The following RFX2 variants were observed in gnomAD, a reference collection of about 807,000 sequenced individuals.
The protein encoded by RFX2 is regulatory factor X2.
A neutral mutation model predicts 87.8 loss-of-function variants in RFX2; 20 were observed. The ratio of observed to expected loss-of-function variants is 0.23; its 90% confidence interval spans 0.16 to 0.33. RFX2 has a LOEUF of 0.33. RFX2 is among the 10% of genes least tolerant of loss of function. RFX2 has a pLI of 1.00. For synonymous variants in RFX2, 397 were observed against 431.3 expected (o/e 0.92, Z 0.98); for missense variants, 767 against 1,012.3 (o/e 0.76, Z 3.29).
chr19:6,094,402 C>T (rs1226134398), intron 1 of RFX2, among the ~76,000 whole-genome samples: 3 of 152,110 alleles, frequency 2.0e-5, no homozygotes, highest in African/African-American at 7.2e-5. Flanking sequence ...GAGGGCACCA[C>T]CTGTGTTTCA....
rs1021775118 is a variant in RFX2 at position 6,004,559 on chromosome 19, G to A, written c.1403-261C>T. Among the ~76,000 whole-genome samples the A allele has an allele frequency of 3.9e-5, 6 of 152,168 alleles. No homozygotes were observed. Among genetic ancestry groups the A allele is most frequent in the Non-Finnish European group, 7.4e-5 (5 of 68,022 alleles). On this transcript the variant is annotated intron_variant, in intron 12 of 17. Coordinates refer to ENST00000303657, the MANE Select transcript of RFX2 (RefSeq NM_000635.4). The surrounding 1 kb of genome is among the most constrained non-coding windows in gnomAD (Gnocchi z 4.8). The stretch of plus-strand genomic sequence containing the variant: ...GGGACACTGGGCAATGTCTGGGGAC[G>A]TTAATGGTGGTCATGACTGCAGGGT...
intron 5 of RFX2, among the ~76,000 whole-genome samples, chr19:6,034,376 G>A (rs977769474): frequency 1.3e-5 from 2 of 151,878 alleles, no homozygotes; most frequent in African/African-American, 2.4e-5. Flanking sequence ...CTACAGGTGC[G>A]CACCACCACA....
At chr19:6,008,937 C>T (rs1046360851) in intron 9 of RFX2, among the ~76,000 whole-genome samples, 4 of 152,108 alleles carry the variant, frequency 2.6e-5, no homozygotes, top group African/African-American at 9.7e-5. Flanking sequence ...GCCTTGGCTT[C>T]TCAAAGTGCT....
In RFX2 at chr19:6,047,514, G is replaced by A. The variant is rs778289256; in HGVS notation, c.-8-10C>T. The A allele has an allele frequency of 6.3e-7, 1 of 1,594,924 alleles. No homozygotes were observed. Among genetic ancestry groups the A allele is most frequent in the South Asian group, 1.1e-5 (1 of 88,250 alleles). On this transcript the variant is annotated splice_polypyrimidine_tract_variant and intron_variant, in intron 1 of 17. Transcript: ENST00000303657. The surrounding 1 kb of genome is among the most constrained non-coding windows in gnomAD (Gnocchi z 4.2). Reference sequence around the variant, plus strand: ...TTCTGCATGCTCAGGTCTAAAGAAAGGCGGAGAGAGATTGGGTGGGCAAGG... The same window carrying A: ...TTCTGCATGCTCAGGTCTAAAGAAAAGCGGAGAGAGATTGGGTGGGCAAGG...
intron 1 of RFX2, among the ~76,000 whole-genome samples, chr19:6,071,005 C>T (rs2087598644): frequency 6.6e-6 from 1 of 152,240 alleles, no homozygotes; most frequent in Admixed American, 6.5e-5. Context: ...GCGTGAGCCC[C>T]CGTGCCTGGC....
chr19:6,085,827 C>T (rs1307661218), intron 1 of RFX2, among the ~76,000 whole-genome samples: 1 of 152,144 alleles, frequency 6.6e-6, no homozygotes, highest in African/African-American at 2.4e-5. Flanking sequence ...CACAGTGGCT[C>T]ACGCCTGTAA....
chr19:6,047,262 T>C lies in RFX2; in HGVS notation c.90+145A>G. ...CAAATACAGTTAAGGAAATTGTGCC[T>C]ATTTCAACAGCAGCAGCACTGGGAC... On this transcript the variant is annotated intron_variant, in intron 2 of 17. Transcript: ENST00000303657. This position sits in a 1 kb window ranked among gnomAD's most constrained non-coding sequence, Gnocchi z 4.2. 1.6e-6 allele frequency: 1 copy of C among 622,056 alleles called. No individual in the cohort carries two copies. Among genetic ancestry groups the C allele is most frequent in the South Asian group, 2.4e-5 (1 of 42,524 alleles). 38.5% of individuals were successfully genotyped at this position (622,056 alleles called of 1,614,324 possible).
intron 1 of RFX2, among the ~76,000 whole-genome samples, chr19:6,086,715 T>C (rs2087860737): frequency 6.6e-6 from 1 of 152,214 alleles, no homozygotes; most frequent in Non-Finnish European, 1.5e-5. Flanking sequence ...TTGACAGTAA[T>C]GGATGCATCC....
At chr19:6,034,667 T>G (rs1432472964) in intron 5 of RFX2, among the ~76,000 whole-genome samples, 1 of 152,198 alleles carries the variant, frequency 6.6e-6, no homozygotes, top group Non-Finnish European at 1.5e-5. Flanking sequence ...CAGGTGACTT[T>G]TCATTCTACA....
chr19:6,067,701 G>A (rs1316915954), intron 1 of RFX2, among the ~76,000 whole-genome samples: 1 of 152,240 alleles, frequency 6.6e-6, no homozygotes, highest in Non-Finnish European at 1.5e-5. Context: ...GGGGAACACA[G>A]AGCTCTAAGC....
Position 6,024,876 on chromosome 19 carries a change from GAGGACGGGATCACGGTGAGGACGGGAGTC to G in RFX2, c.597+1258_597+1286del, listed in dbSNP as rs1568512626. Among the ~76,000 whole-genome samples the G allele has an allele frequency of 2.7e-3, 299 of 110,362 alleles. No individual in the cohort carries two copies. The highest frequency in any genetic ancestry group is 8.4e-3 in the African/African-American group (101 of 12,052). 72.4% of individuals were successfully genotyped at this position (110,362 alleles called of 152,430 possible). ...ACGGGATCACGGTGAGGACGGGAGT[GAGGACGGGATCACGGTGAGGACGGGAGTC>G]AGGACGGGATCACGGTGAGGACGGG... On this transcript the variant is annotated intron_variant, in intron 6 of 17. Transcript: ENST00000303657. This position sits in a 1 kb window ranked among gnomAD's most constrained non-coding sequence, Gnocchi z 5.0.
At chr19:6,049,248 GCATCA>G (rs1340507780) in intron 1 of RFX2, 1 of 141,028 alleles carries the variant, frequency 7.1e-6, no homozygotes, top group African/African-American at 3.1e-5. Flanking sequence ...CAAGCGGGTA[GCATCA>G]GTGATACTAG....
Position 6,061,327 on chromosome 19 carries a change from G to T in RFX2, c.-8-13823C>A, listed in dbSNP as rs2087426596. ...TCCCTGGCTCAAAAAATCCTCCCAA[G>T]AATTTTCACCGCATAGACAGTGTGT... On this transcript the variant is annotated intron_variant, in intron 1 of 17. Coordinates refer to ENST00000303657, the MANE Select transcript of RFX2 (RefSeq NM_000635.4). This position sits in a 1 kb window ranked among gnomAD's most constrained non-coding sequence, Gnocchi z 5.2. Among the ~76,000 whole-genome samples, 1 of 152,180 alleles carries T rather than the reference G, an allele frequency of 6.6e-6. No homozygotes were observed. The highest frequency in any genetic ancestry group is 1.5e-5 in the Non-Finnish European group (1 of 68,032).
chr19:5,995,125 C>T (rs947656934), intron 17 of RFX2, among the ~76,000 whole-genome samples, 175 bp from the exon 18 acceptor site: 2 of 152,202 alleles, frequency 1.3e-5, no homozygotes, highest in Non-Finnish European at 2.9e-5. Context: ...CCCCACCTGC[C>T]GTTACCCAGA....
At chr19:6,037,440 C>T (rs1367978756) in intron 5 of RFX2, among the ~76,000 whole-genome samples, 1 of 152,142 alleles carries the variant, frequency 6.6e-6, no homozygotes, top group East Asian at 1.9e-4. Context: ...TTTACAATAG[C>T]TCTCCAAACA....
chr19:6,026,482 G>T lies in RFX2; in HGVS notation c.523-245C>A, dbSNP rs2086890164. On this transcript the variant is annotated intron_variant, in intron 5 of 17. Coordinates refer to ENST00000303657, the MANE Select transcript of RFX2 (RefSeq NM_000635.4). The surrounding 1 kb of genome is among the most constrained non-coding windows in gnomAD (Gnocchi z 4.5). The stretch of plus-strand genomic sequence containing the variant: ...CCCGAGAGCCCGTCCAACAGAAGCA[G>T]CAGAAATCATGTTGTAAAAACTTGC... 1.8e-6 allele frequency: 1 copy of T among 566,690 alleles called. No individual in the cohort carries two copies. The highest frequency in any genetic ancestry group is 3.0e-5 in the East Asian group (1 of 33,352). The allele number at this position is 566,690 out of a possible 1,614,324, so 35.1% of individuals were successfully genotyped here.
At position 6,061,877 on chromosome 19, in the gene RFX2, G is replaced by T. The variant is rs1183468272; in HGVS notation, c.-8-14373C>A. On this transcript the variant is annotated intron_variant, in intron 1 of 17. Transcript: ENST00000303657. The surrounding 1 kb of genome is among the most constrained non-coding windows in gnomAD (Gnocchi z 5.2). ...CCCACCCCGAGTGTGGATCCCAGCA[G>T]GTGCCTGATCAATGAAATATGTCCT... Among the ~76,000 whole-genome samples, 2 of 152,128 alleles carry T rather than the reference G, an allele frequency of 1.3e-5. No individual in the cohort carries two copies. The highest frequency in any genetic ancestry group is 2.9e-5 in the Non-Finnish European group (2 of 68,024).
rs778137920 is a variant in RFX2 at position 6,039,967 on chromosome 19, G to T, written c.522+13C>A. ...ATGGCCTACCCTGCTGGTCCCAAGA[G>T]CCTCCTACATACCGTGGCGGGCGAT... On this transcript the variant is annotated intron_variant, in intron 5 of 17. Transcript: ENST00000303657. This position sits in a 1 kb window ranked among gnomAD's most constrained non-coding sequence, Gnocchi z 5.2. 140 of 1,548,852 alleles carry T rather than the reference G, an allele frequency of 9.0e-5. No individual in the cohort carries two copies. The highest frequency in any genetic ancestry group is 1.2e-4 in the Non-Finnish European group (136 of 1,140,072).
In RFX2 at chr19:6,040,003, T is replaced by C. The variant is rs1158766477; in HGVS notation, c.499A>G (p.Thr167Ala). ...MDSTRHSLAH[T>A]SRSSPATLEM... Reference sequence around the variant, plus strand: ...ACCGTGGCGGGCGATGAGCGGGAGGTGTGGGCCAGGGAGTGTCTGGTGCTG... The same window carrying C: ...ACCGTGGCGGGCGATGAGCGGGAGGCGTGGGCCAGGGAGTGTCTGGTGCTG... Residue 167 changes from threonine to alanine, a missense_variant, in exon 5 of 18, where the codon ACC becomes GCC. By Grantham distance (58) the Thr-to-Ala change is moderately conservative. Coordinates refer to ENST00000303657, the MANE Select transcript of RFX2 (RefSeq NM_000635.4). This position sits in a 1 kb window ranked among gnomAD's most constrained non-coding sequence, Gnocchi z 6.1. 6.3e-7 allele frequency: 1 copy of C among 1,588,374 alleles called. No homozygotes were observed. The highest frequency in any genetic ancestry group is 8.6e-7 in the Non-Finnish European group (1 of 1,165,678).
Sources: allele counts gnomAD v4.1 joint callset (sites outside exome capture counted in the v4.1 genomes callset), GRCh38; gene constraint gnomAD v4.1.1; non-coding constraint Gnocchi (gnomAD v3.1); transcripts MANE v1.5; gene names NCBI Gene and HGNC (gene_info 2026-07-23, HGNC 2026-07-21).